Variants in INPP5B observed in about 807,000 individuals in gnomAD.
The protein encoded by INPP5B is type II inositol 1,4,5-trisphosphate 5-phosphatase.
In INPP5B, 90 loss-of-function variants were observed where a neutral mutation model predicts 118.5. The ratio of observed to expected loss-of-function variants is 0.76; its 90% CI spans 0.64 to 0.90. The LOEUF is 0.90. INPP5B is among the 40% of genes least tolerant of loss of function. The pLI is 0.00. For missense variants in INPP5B, 984 were observed against 1,125.6 expected, an observed-to-expected ratio of 0.87 and a Z score of 1.80; for synonymous variants, 385 against 418.9, an observed-to-expected ratio of 0.92 and a Z score of 0.99.
intron 9 of INPP5B, among the ~76,000 whole-genome samples, 170 bp from the exon 10 acceptor site, chr1:37,888,514 G>A (rs939937825): frequency 2.0e-4 from 31 of 152,066 alleles, no homozygotes; most frequent in Non-Finnish European, 1.5e-4. Context: ...AGTGACTTGC[G>A]GTCTGTCATG....
At position 37,873,500 on chromosome 1, in the gene INPP5B, T is replaced by C. The variant is rs951272460; in HGVS notation, c.1952-335A>G. ...TTCCCTGAGCCAGGTAAGATGAAGATGACTGACTCAGTAGAAGTGTAACGC... is the reference window on the plus strand; with the variant it reads ...TTCCCTGAGCCAGGTAAGATGAAGACGACTGACTCAGTAGAAGTGTAACGC... On this transcript the variant is annotated intron_variant, in intron 18 of 23. Coordinates refer to ENST00000373024, the MANE Select transcript of INPP5B (RefSeq NM_005540.3). 3 of 361,300 alleles carry C rather than the reference T, an allele frequency of 8.3e-6. No homozygotes were observed. In the East Asian group the frequency reaches 2.0e-4, roughly 24 times the overall value. 22.4% of individuals were successfully genotyped at this position (361,300 alleles called of 1,614,324 possible).
chr1:37,940,662 C>A (rs756974715), intron 6 of INPP5B, 26 bp downstream of exon 6: 3 of 1,457,062 alleles, frequency 2.1e-6, no homozygotes, highest in African/African-American at 1.4e-5. Flanking sequence ...CCCACCCACC[C>A]CCAGGGAGCC....
At chr1:37,885,337 C>A (rs1187330137) in intron 13 of INPP5B, among the ~76,000 whole-genome samples, 1 of 151,964 alleles carries the variant, frequency 6.6e-6, no homozygotes, top group African/African-American at 2.4e-5. Flanking sequence ...CGGTATGAAC[C>A]TGGGAGGCGG....
chr1:37,901,883 T>A (rs1021857832), intron 7 of INPP5B, among the ~76,000 whole-genome samples: 1 of 152,196 alleles, frequency 6.6e-6, no homozygotes, highest in African/African-American at 2.4e-5. Flanking sequence ...CTGCCCTTTT[T>A]TTAACCTCAG....
intron 13 of INPP5B, among the ~76,000 whole-genome samples, chr1:37,885,336 C>A (rs910022459): frequency 6.6e-6 from 1 of 151,902 alleles, no homozygotes; most frequent in African/African-American, 2.4e-5. Flanking sequence ...ACGGTATGAA[C>A]CTGGGAGGCG....
intron 6 of INPP5B, among the ~76,000 whole-genome samples, chr1:37,933,499 G>T (rs2148668995): frequency 6.6e-6 from 1 of 152,194 alleles, no homozygotes; most frequent in Non-Finnish European, 1.5e-5. Context: ...AGTGAGCTGA[G>T]ATCGCACCAC....
At chr1:37,894,687 G>A (rs755451709) in intron 7 of INPP5B, among the ~76,000 whole-genome samples, 57 of 150,968 alleles carry the variant, frequency 3.8e-4, no homozygotes, top group Admixed American at 1.1e-3. Context: ...TCAGCCTCCC[G>A]AGTAGCTGGG....
intron 7 of INPP5B, among the ~76,000 whole-genome samples, chr1:37,904,063 A>G (rs1644422554): frequency 6.6e-6 from 1 of 152,180 alleles, no homozygotes; most frequent in Admixed American, 6.5e-5. Context: ...ATGGTGGCTC[A>G]TGCCTGTAAT....
intron 7 of INPP5B, among the ~76,000 whole-genome samples, chr1:37,901,586 A>G (rs1004312820): frequency 5.3e-5 from 8 of 152,132 alleles, no homozygotes; most frequent in Non-Finnish European, 1.2e-4. Flanking sequence ...TACTGATGGG[A>G]AAATGGCCCT....
chr1:37,871,677 CGGATCACCTGAGGTCA>C (rs1454191583), intron 19 of INPP5B, among the ~76,000 whole-genome samples: 2 of 151,512 alleles, frequency 1.3e-5, no homozygotes, highest in African/African-American at 4.8e-5. Context: ...CTGAGGTGGG[CGGATCACCTGAGGTCA>C]GGAGTTCAAG....
At chr1:37,866,404 T>TCACACACACACACACA (rs1491111834) in intron 21 of INPP5B, 55 bp downstream of exon 21, 4,404 of 360,774 alleles carry the variant, frequency 0.012, 11 homozygotes, top group African/African-American at 0.021. Context: ...TCTCTCTCTC[T>TCACACACACACACACA]CTCACACACA....
intron 6 of INPP5B, among the ~76,000 whole-genome samples, chr1:37,937,907 G>T (rs1645757046): frequency 6.6e-6 from 1 of 150,504 alleles, no homozygotes; most frequent in South Asian, 2.1e-4. Context: ...GGCGGAGGTT[G>T]TAGTAAGCCA....
At chr1:37,925,633 C>G (rs534961058) in intron 7 of INPP5B, among the ~76,000 whole-genome samples, 1 of 152,280 alleles carries the variant, frequency 6.6e-6, no homozygotes, top group Non-Finnish European at 1.5e-5. Flanking sequence ...TATATTGATG[C>G]CTCCCTCTTC....
intron 23 of INPP5B, among the ~76,000 whole-genome samples, chr1:37,862,636 C>G (rs145025020): frequency 2.4e-4 from 37 of 152,328 alleles, no homozygotes; most frequent in African/African-American, 8.9e-4. Context: ...AGCTCCTGTA[C>G]AGCATGTTAC....
intron 6 of INPP5B, among the ~76,000 whole-genome samples, chr1:37,934,281 CTG>C (rs1405327534): frequency 6.6e-6 from 1 of 152,234 alleles, no homozygotes; most frequent in East Asian, 1.9e-4. Context: ...CTTGCCTCCT[CTG>C]TGTCAATTTA....
In INPP5B at chr1:37,880,656, T is replaced by G. The variant is rs371296410; in HGVS notation, c.1432-462A>C. 7.9e-5 allele frequency among the ~76,000 whole-genome samples: 12 copies of G among 152,260 alleles called. No homozygotes were observed. In the East Asian group the frequency reaches 1.5e-3, roughly 20 times the overall value. ...TTTCACCATGTTGGCAAGGCTGGTCTCGAACTCCTGACGTGATCCACCCAC... is the reference window on the plus strand; with the variant it reads ...TTTCACCATGTTGGCAAGGCTGGTCGCGAACTCCTGACGTGATCCACCCAC... On this transcript the variant is annotated intron_variant, in intron 14 of 23. Coordinates refer to ENST00000373024, the MANE Select transcript of INPP5B (RefSeq NM_005540.3).
At chr1:37,866,250 C>A (rs1046455604) in intron 21 of INPP5B, among the ~76,000 whole-genome samples, 1 of 152,150 alleles carries the variant, frequency 6.6e-6, no homozygotes, top group Non-Finnish European at 1.5e-5. Flanking sequence ...GAGATGGACC[C>A]TGTCTCAAAA....
intron 14 of INPP5B, 32 bp from the exon 15 acceptor site, chr1:37,880,226 C>T (rs1017795943): frequency 7.4e-6 from 11 of 1,492,814 alleles, no homozygotes; most frequent in African/African-American, 2.7e-5. Context: ...AAAAAAATAT[C>T]AGAATAAAAA....
chr1:37,898,462 G>A (rs372235178), intron 7 of INPP5B, among the ~76,000 whole-genome samples: 5 of 152,292 alleles, frequency 3.3e-5, no homozygotes, highest in Admixed American at 1.3e-4. Flanking sequence ...TTGGGAGGCC[G>A]AGGCGGGTGG....
Sources: gnomAD v4.1 joint callset for allele counts (sites outside exome capture counted in the v4.1 genomes callset) on GRCh38, gnomAD v4.1.1 for gene constraint, MANE v1.5 for transcripts, NCBI Gene and HGNC (gene_info 2026-07-23, HGNC 2026-07-21) for gene names.